The following ZMAT4 variants were observed in gnomAD, a reference collection of about 807,000 sequenced individuals.
ZMAT4 encodes zinc finger matrin-type 4.
Under a neutral mutation model 28.7 loss-of-function variants are expected in ZMAT4, and 17 were observed. That is an observed-to-expected ratio of 0.59 (90% CI 0.41 to 0.89). ZMAT4 has a LOEUF of 0.89. Ranked by LOEUF, ZMAT4 falls within the 40% of genes least tolerant of loss-of-function variation. The probability of loss-of-function intolerance (pLI) is 0.00; values close to 1 mark genes in which losing one functional copy is unlikely to be tolerated. For synonymous variants in ZMAT4, 117 were observed against 109.2 expected, an observed-to-expected ratio of 1.07 and a Z score of -0.44; for missense variants, 240 against 283.8, an observed-to-expected ratio of 0.85 and a Z score of 1.11.
chr8:40,674,614 G>T, intron 5 of ZMAT4, 90 bp downstream of exon 5: 1 of 1,060,378 alleles, frequency 9.4e-7, no homozygotes, highest in Non-Finnish European at 1.4e-6. Context: ...AATAATTAAA[G>T]CAAGAAGAAG....
intron 5 of ZMAT4, among the ~76,000 whole-genome samples, chr8:40,620,223 G>T (rs146728947): frequency 6.6e-6 from 1 of 152,198 alleles, no homozygotes; most frequent in Non-Finnish European, 1.5e-5. Flanking sequence ...TGCCACTGTG[G>T]ATCCTGAAGA....
chr8:40,681,345 T>A (rs1279497448), intron 4 of ZMAT4, among the ~76,000 whole-genome samples: 1 of 152,258 alleles, frequency 6.6e-6, no homozygotes, highest in Middle Eastern at 3.2e-3. Flanking sequence ...AAAAACACTT[T>A]TTCTGATTTC....
chr8:40,881,603 G>A (rs1004456696), intron 1 of ZMAT4, among the ~76,000 whole-genome samples: 9 of 135,528 alleles, frequency 6.6e-5, no homozygotes, highest in East Asian at 2.3e-4. Flanking sequence ...AGAAAGAAAA[G>A]AAAAGAAAAG....
chr8:40,835,758 A>T (rs1444588201), intron 1 of ZMAT4, among the ~76,000 whole-genome samples: 1 of 152,138 alleles, frequency 6.6e-6, no homozygotes, highest in East Asian at 1.9e-4. Flanking sequence ...CTGCAGGGAA[A>T]ACTATTATTT....
At chr8:40,792,432 A>T (rs1236020006) in intron 2 of ZMAT4, among the ~76,000 whole-genome samples, 1 of 139,380 alleles carries the variant, frequency 7.2e-6, no homozygotes, top group Non-Finnish European at 1.5e-5. Context: ...TCAATAGATT[A>T]GTAGGTAAAC....
At chr8:40,578,484 A>G (rs1339663653) in intron 6 of ZMAT4, among the ~76,000 whole-genome samples, 1 of 152,194 alleles carries the variant, frequency 6.6e-6, no homozygotes, top group African/African-American at 2.4e-5. Context: ...CCATAAAAAA[A>G]GACTGATAAA....
chr8:40,542,914 G>A (rs561182799), intron 6 of ZMAT4, among the ~76,000 whole-genome samples: 18 of 152,262 alleles, frequency 1.2e-4, no homozygotes, highest in Admixed American at 2.6e-4. Flanking sequence ...CATTCCCTAA[G>A]TTCCTTTCAC....
At position 40,721,478 on chromosome 8, in the gene ZMAT4, A is replaced by C. The variant is rs567560541; in HGVS notation, c.193-24077T>G. Among the ~76,000 whole-genome samples, 618 of 145,170 alleles carry C rather than the reference A, an allele frequency of 4.3e-3. 2 individuals carry two copies. The highest frequency in any genetic ancestry group is 0.014 in the African/African-American group (548 of 38,578). Reference sequence around the variant, plus strand: ...CTTTATAGCAGCATGATTTATAGTCATTTGGGTATATACCCAGTAATGGGA... The same window carrying C: ...CTTTATAGCAGCATGATTTATAGTCCTTTGGGTATATACCCAGTAATGGGA... On this transcript the variant is annotated intron_variant, in intron 3 of 6. Coordinates refer to ENST00000297737, the MANE Select transcript of ZMAT4 (RefSeq NM_024645.3).
intron 1 of ZMAT4, among the ~76,000 whole-genome samples, chr8:40,837,218 G>C (rs1481760345): frequency 1.3e-5 from 2 of 152,156 alleles, no homozygotes; most frequent in Non-Finnish European, 2.9e-5. Flanking sequence ...TTCCAGGCCT[G>C]GCCCTTAAAA....
intron 3 of ZMAT4, among the ~76,000 whole-genome samples, chr8:40,745,794 T>C (rs1243643443): frequency 1.3e-5 from 2 of 152,184 alleles, no homozygotes; most frequent in African/African-American, 2.4e-5. Context: ...ATAGGGACAT[T>C]TGGTGTTTTA....
At chr8:40,624,152 C>G (rs1190587820) in intron 5 of ZMAT4, among the ~76,000 whole-genome samples, 5 of 152,276 alleles carry the variant, frequency 3.3e-5, no homozygotes, top group Middle Eastern at 3.4e-3. Context: ...AATGCTAATG[C>G]AACTATATTT....
chr8:40,686,292 A>T (rs1304774728), intron 4 of ZMAT4, among the ~76,000 whole-genome samples: 1 of 152,012 alleles, frequency 6.6e-6, no homozygotes, highest in Non-Finnish European at 1.5e-5. Context: ...AGGTGGGAAG[A>T]TTGCTTGAAA....
In ZMAT4 at chr8:40,635,948, G is replaced by A. The variant is rs75117989; in HGVS notation, c.577+38756C>T. ...TTCTGAGTTCTGGAACAGTTTGGGG[G>A]CCTCTATTACCACCTTCAAGAAAAA... On this transcript the variant is annotated intron_variant, in intron 5 of 6. Coordinates refer to ENST00000297737, the MANE Select transcript of ZMAT4 (RefSeq NM_024645.3). Among the ~76,000 whole-genome samples, 227 of 152,270 alleles carry A rather than the reference G, an allele frequency of 1.5e-3. 1 individual carries two copies. The East Asian group carries it at 0.042, about 28-fold the overall frequency.
At chr8:40,849,579 T>G (rs7825817) in intron 1 of ZMAT4, among the ~76,000 whole-genome samples, 2 of 151,836 alleles carry the variant, frequency 1.3e-5, no homozygotes, top group Non-Finnish European at 2.9e-5. Flanking sequence ...GTTCTCTTGT[T>G]CCTCCGTCAC....
intron 3 of ZMAT4, among the ~76,000 whole-genome samples, chr8:40,764,061 T>C (rs945864825): frequency 6.6e-6 from 1 of 152,154 alleles, no homozygotes; most frequent in East Asian, 1.9e-4. Context: ...GATCATTTTT[T>C]CCCAAAGCAT....
chr8:40,718,271 C>T (rs1563432972), intron 3 of ZMAT4, among the ~76,000 whole-genome samples: 1 of 152,212 alleles, frequency 6.6e-6, no homozygotes, highest in African/African-American at 2.4e-5. Flanking sequence ...TCAGCAGTGT[C>T]ACCAGCCTGC....
intron 2 of ZMAT4, among the ~76,000 whole-genome samples, chr8:40,816,735 A>G (rs895857342): frequency 2.6e-5 from 4 of 152,218 alleles, no homozygotes; most frequent in African/African-American, 9.6e-5. Flanking sequence ...ACTTTGATAT[A>G]TGTTATTTTG....
rs1816311913 is a variant in ZMAT4 at position 40,832,319 on chromosome 8, G to A, written c.-4-6639C>T. Among the ~76,000 whole-genome samples the A allele has an allele frequency of 3.3e-5, 5 of 152,178 alleles. 1 individual carries two copies. Among genetic ancestry groups the A allele is most frequent in the Admixed American group, 2.6e-4 (4 of 15,278 alleles). On this transcript the variant is annotated intron_variant, in intron 1 of 6. Coordinates refer to ENST00000297737, the MANE Select transcript of ZMAT4 (RefSeq NM_024645.3). ...TCTTTTCTGTGTTTGCCTGAACTGA[G>A]CTGGGATGGGCTAACATCTGCCTGG...
rs546101343 is a variant in ZMAT4 at position 40,728,057 on chromosome 8, C to T, written c.193-30656G>A. On this transcript the variant is annotated intron_variant, in intron 3 of 6. Transcript: ENST00000297737. ...TAAAGACAAGGGGAGCATGCAGAAA[C>T]GCAAATCATATGTTCCTGGAGAGTT... Among the ~76,000 whole-genome samples the T allele has an allele frequency of 3.8e-4, 58 of 152,188 alleles. 2 individuals carry two copies. In the South Asian group the frequency reaches 9.3e-3, roughly 24 times the overall value.
Sources: allele counts gnomAD v4.1 joint callset (sites outside exome capture counted in the v4.1 genomes callset), GRCh38; gene constraint gnomAD v4.1.1; transcripts MANE v1.5; gene names NCBI Gene and HGNC (gene_info 2026-07-23, HGNC 2026-07-21).